The following AFP variants were observed in gnomAD, a reference collection of about 807,000 sequenced individuals.
AFP encodes alpha-fetoprotein.
A neutral mutation model predicts 78.9 loss-of-function variants in AFP; 64 were observed. The observed-to-expected ratio is 0.81, with a 90% confidence interval of 0.66 to 1.00. The LOEUF is 1.00. Among genes scored for constraint, AFP ranks in the 50% least tolerant of loss-of-function variants. AFP has a pLI of 0.00. For synonymous variants in AFP, 254 were observed against 243.8 expected (o/e 1.04, Z -0.39); for missense variants, 689 against 703.8 (o/e 0.98, Z 0.24).
chr4:73,440,831 A>G lies in AFP; in HGVS notation c.482+18A>G, dbSNP rs775773808. On this transcript the variant is annotated intron_variant, in intron 4 of 14. Coordinates refer to ENST00000395792, the MANE Select transcript of AFP (RefSeq NM_001134.3). ...ATGAACAAGTAAGGATCCAGTTTAA[A>G]GGTAGATGCAAACCTCAGAAACACA... The G allele has an allele frequency of 1.2e-6, 2 of 1,606,862 alleles. No individual in the cohort carries two copies. The highest frequency in any genetic ancestry group is 3.4e-5 in the Admixed American group (2 of 59,514).
intron 3 of AFP, among the ~76,000 whole-genome samples, chr4:73,440,319 G>T (rs1169312140): frequency 1.3e-5 from 2 of 151,856 alleles, no homozygotes; most frequent in Non-Finnish European, 2.9e-5. Flanking sequence ...CCAAATTTTT[G>T]ATAACACAAA....
In AFP at chr4:73,453,765, G is replaced by T. The variant is rs377430589; in HGVS notation, c.1653G>T (p.Glu551Asp). The T allele has an allele frequency of 1.9e-6, 3 of 1,613,310 alleles. No individual in the cohort carries two copies. The East Asian group carries it at 6.7e-5, about 36-fold the overall frequency. Residue 551 changes from glutamate (E) to aspartate (D), a missense_variant and splice_region_variant, in exon 13 of 15, where the codon GAG (glutamate) becomes GAT (aspartate). Coordinates refer to ENST00000395792, the MANE Select transcript of AFP (RefSeq NM_001134.3). ...QGVALQTMKQ[E>D]FLINLVKQKP... ...TATTTTGTTTTGTTTTAAATCACAG[G>T]TTTCTCATTAACCTTGTGAAGCAAA...
Position 73,447,471 on chromosome 4 carries a change from A to C in AFP, c.853A>C (p.Met285Leu). The C allele has an allele frequency of 6.2e-7, 1 of 1,605,208 alleles. No homozygotes were observed. Among genetic ancestry groups the C allele is most frequent in the East Asian group, 2.2e-5 (1 of 44,806 alleles). ...LDCLQDGEKI[M>L]SYICSQQDTL... Reference sequence around the variant, plus strand: ...ATTTTCTCTGTTGCAGGAAAAAATCATGTCCTACATATGTTCTCAACAAGA... The same window carrying C: ...ATTTTCTCTGTTGCAGGAAAAAATCCTGTCCTACATATGTTCTCAACAAGA... Residue 285 changes from methionine (M) to leucine (L), a missense_variant, in exon 8 of 15, where the codon ATG becomes CTG. Transcript: ENST00000395792.
Position 73,438,386 on chromosome 4 carries a change from T to C in AFP, c.270+80T>C. On this transcript the variant is annotated intron_variant, in intron 3 of 14. Coordinates refer to ENST00000395792, the MANE Select transcript of AFP (RefSeq NM_001134.3). ...TGAAGAGAAGATACAAAAATAGCAGTGAAAAATGCATTTATATATTTGAAG... is the reference window on the plus strand; with the variant it reads ...TGAAGAGAAGATACAAAAATAGCAGCGAAAAATGCATTTATATATTTGAAG... 3 of 1,478,446 alleles carry C rather than the reference T, an allele frequency of 2.0e-6. No homozygotes were observed. The East Asian group carries it at 7.4e-5, about 36-fold the overall frequency. The allele number at this position is 1,478,446 out of a possible 1,614,324, so 91.6% of individuals were successfully genotyped here. A position where few individuals can be genotyped will look rare whatever the true frequency, so the allele number is the denominator to read the frequency against.
chr4:73,442,267 A>T, intron 4 of AFP, 29 bp from the exon 5 acceptor site: 1 of 1,605,282 alleles, frequency 6.2e-7, no homozygotes, highest in Non-Finnish European at 8.5e-7. Context: ...AGGTGTTTAT[A>T]AATCTTCTAG....
intron 1 of AFP, 79 bp from the exon 2 acceptor site, chr4:73,437,081 C>A: frequency 9.1e-7 from 1 of 1,097,986 alleles, no homozygotes; most frequent in Non-Finnish European, 1.4e-6. Context: ...AACTGAAACA[C>A]AAACATTCAT....
chr4:73,450,053 A>AT lies in AFP; in HGVS notation c.1210dup (p.Tyr404LeufsTer63), dbSNP rs1719942347. The AT allele has an allele frequency of 1.2e-6, 2 of 1,613,146 alleles. No individual in the cohort carries two copies. The highest frequency in any genetic ancestry group is 1.7e-6 in the Non-Finnish European group (2 of 1,179,344). On this transcript the variant is annotated frameshift_variant, in exon 10 of 15. Transcript: ENST00000395792. LOFTEE classifies it high-confidence loss of function. ...ATTTTCAGGAAGAAGAATTACAGAAATACATCCAGGAGAGCCAAGCATTGG... is the reference window on the plus strand; with the variant it reads ...ATTTTCAGGAAGAAGAATTACAGAAATTACATCCAGGAGAGCCAAGCATTGG...
chr4:73,452,376 T>C, intron 11 of AFP, 25 bp from the exon 12 acceptor site: 1 of 1,598,298 alleles, frequency 6.3e-7, no homozygotes, highest in Non-Finnish European at 8.6e-7. Flanking sequence ...ATCTCCTTAC[T>C]TTTTTTTCTC....
In AFP at chr4:73,447,499, C is replaced by G; in HGVS notation, c.881C>G (p.Thr294Ser). The G allele has an allele frequency of 6.2e-7, 1 of 1,611,886 alleles. No individual in the cohort carries two copies. Among genetic ancestry groups the G allele is most frequent in the African/African-American group, 1.3e-5 (1 of 74,912 alleles). Reference sequence around the variant, plus strand: ...TCCTACATATGTTCTCAACAAGACACTCTGTCAAACAAAATAACAGAATGC... The same window carrying G: ...TCCTACATATGTTCTCAACAAGACAGTCTGTCAAACAAAATAACAGAATGC... ...IMSYICSQQDTLSNKITECCK... is the reference protein window; with the variant it reads ...IMSYICSQQDSLSNKITECCK... Residue 294 changes from threonine to serine, a missense_variant, in exon 8 of 15, where the codon ACT becomes AGT. Transcript: ENST00000395792.
Position 73,443,399 on chromosome 4 carries a change from C to T in AFP, c.668C>T (p.Ala223Val). 1 of 1,613,750 alleles carries T rather than the reference C, an allele frequency of 6.2e-7. No individual in the cohort carries two copies. The highest frequency in any genetic ancestry group is 8.5e-7 in the Non-Finnish European group (1 of 1,179,736). Residue 223 changes from alanine (A) to valine (V), a missense_variant, in exon 6 of 15, where the codon GCA (alanine) becomes GTA (valine). Ala to Val is a moderately conservative substitution (Grantham distance 64). Transcript: ENST00000395792. The part of the protein sequence containing the change: ...LRESSLLNQH[A>V]CAVMKNFGTR... ...GAAAGCAGCTTGTTAAATCAACATG[C>T]ATGTGCAGTAATGAAAAATTTTGGG...
chr4:73,438,345 C>T lies in AFP; in HGVS notation c.270+39C>T, dbSNP rs1560391487. On this transcript the variant is annotated intron_variant, in intron 3 of 14. Coordinates refer to ENST00000395792, the MANE Select transcript of AFP (RefSeq NM_001134.3). Reference sequence around the variant, plus strand: ...TTTAAAAAAGCATTGTGATATTTGACAAAAATTTAGCATGCTGAAGAGAAG... The same window carrying T: ...TTTAAAAAAGCATTGTGATATTTGATAAAAATTTAGCATGCTGAAGAGAAG... 7.0e-6 allele frequency: 11 copies of T among 1,581,618 alleles called. No homozygotes were observed. The Admixed American group carries it at 9.1e-5, about 13-fold the overall frequency.
intron 2 of AFP, 107 bp from the exon 3 acceptor site, chr4:73,438,067 T>G: frequency 6.7e-7 from 1 of 1,487,282 alleles, no homozygotes. Context: ...TCTAAACAGA[T>G]TACAACATAA....
chr4:73,450,612 C>A lies in AFP; in HGVS notation c.1290-3C>A. 1 of 1,614,126 alleles carries A rather than the reference C, an allele frequency of 6.2e-7. No individual in the cohort carries two copies. The highest frequency in any genetic ancestry group is 8.5e-7 in the Non-Finnish European group (1 of 1,179,998). On this transcript the variant is annotated splice_region_variant and splice_polypyrimidine_tract_variant and intron_variant, in intron 10 of 14. Coordinates refer to ENST00000395792, the MANE Select transcript of AFP (RefSeq NM_001134.3). ...GGACTTAGTTAAAAAATGCTTCTTT[C>A]AGGTTTCTCGTTGCTTACACAAAGA...
At chr4:73,450,309 A>G (rs557251214) in intron 10 of AFP, among the ~76,000 whole-genome samples, 176 bp downstream of exon 10, 3 of 152,314 alleles carry the variant, frequency 2.0e-5, no homozygotes, top group African/African-American at 4.8e-5. Flanking sequence ...ATTCTGTCAT[A>G]GTCTGTCCGA....
chr4:73,441,637 C>T (rs1474188311), intron 4 of AFP, among the ~76,000 whole-genome samples: 1 of 151,234 alleles, frequency 6.6e-6, no homozygotes, highest in Non-Finnish European at 1.5e-5. Flanking sequence ...TTAACACTCA[C>T]AAACAAACTT....
At chr4:73,449,092 T>C (rs2149335813) in intron 8 of AFP, among the ~76,000 whole-genome samples, 1 of 152,246 alleles carries the variant, frequency 6.6e-6, no homozygotes, top group East Asian at 1.9e-4. Context: ...AAGTCCGTAA[T>C]TGAAAAGTCA....
chr4:73,436,241 A>G lies in AFP; in HGVS notation c.-22A>G, dbSNP rs1165072061. On this transcript the variant is annotated 5_prime_UTR_variant, in exon 1 of 15. Coordinates refer to ENST00000395792, the MANE Select transcript of AFP (RefSeq NM_001134.3). Reference sequence around the variant, plus strand: ...TCCATATTGTGCTTCCACCACTGCCAATAACAAAATAACTAGCAACCATGA... The same window carrying G: ...TCCATATTGTGCTTCCACCACTGCCGATAACAAAATAACTAGCAACCATGA... 1.3e-6 allele frequency: 2 copies of G among 1,511,744 alleles called. No homozygotes were observed. Among genetic ancestry groups the G allele is most frequent in the Admixed American group, 1.7e-5 (1 of 59,230 alleles). The allele number at this position is 1,511,744 out of a possible 1,614,324, so 93.6% of individuals were successfully genotyped here. A position where few individuals can be genotyped will look rare whatever the true frequency, so the allele number is the denominator to read the frequency against.
At chr4:73,452,658 A>G (rs772224064) in intron 12 of AFP, 34 bp downstream of exon 12, 31 of 1,536,014 alleles carry the variant, frequency 2.0e-5, no homozygotes, top group Non-Finnish European at 2.5e-5. Flanking sequence ...ATGGAAAAGA[A>G]TGACAACCCC....
chr4:73,441,144 T>C (rs996075442), intron 4 of AFP, among the ~76,000 whole-genome samples: 1 of 152,104 alleles, frequency 6.6e-6, no homozygotes, highest in Non-Finnish European at 1.5e-5. Flanking sequence ...TTGCACCAAA[T>C]TGATGCTTTC....
Sources: gnomAD v4.1 joint callset for allele counts (sites outside exome capture counted in the v4.1 genomes callset) on GRCh38, gnomAD v4.1.1 for gene constraint, MANE v1.5 for transcripts, NCBI Gene and HGNC (gene_info 2026-07-23, HGNC 2026-07-21) for gene names.